DPP6: variants seen among roughly 807,000 people sequenced by gnomAD.
DPP6 encodes dipeptidyl peptidase like 6, also known as A-type potassium channel modulatory protein DPP6.
In DPP6, 69 loss-of-function variants were observed where a neutral mutation model predicts 122.6. The ratio of observed to expected loss-of-function variants is 0.56; its 90% CI spans 0.46 to 0.69. The LOEUF (loss-of-function observed/expected upper bound fraction) is 0.69, where lower values mean the gene tolerates loss of function less well. Among genes scored for constraint, DPP6 ranks in the 30% least tolerant of loss-of-function variants. The pLI is 0.00. For synonymous variants in DPP6, 418 were observed against 433.1 expected (o/e 0.97, Z 0.43); for missense variants, 928 against 1,116.9 (o/e 0.83, Z 2.41).
At chr7:154,679,079 G>T (rs901659495) in intron 7 of DPP6, among the ~76,000 whole-genome samples, 3 of 152,190 alleles carry the variant, frequency 2.0e-5, no homozygotes, top group Admixed American at 2.0e-4. Context: ...CCTTGATAAA[G>T]CAGAGAAACG....
chr7:154,126,575 A>G lies in DPP6; in HGVS notation c.243+73512A>G, dbSNP rs573434541. 7.8e-4 allele frequency among the ~76,000 whole-genome samples: 118 copies of G among 151,544 alleles called. No individual in the cohort carries two copies. The Middle Eastern group carries it at 0.017, about 22-fold the overall frequency. ...ACAGGATTTTGCTTCCAAGATGAACATGGGTGTAGCTTTCAGGAGTGTCCA... is the reference window on the plus strand; with the variant it reads ...ACAGGATTTTGCTTCCAAGATGAACGTGGGTGTAGCTTTCAGGAGTGTCCA... On this transcript the variant is annotated intron_variant, in intron 1 of 25. Coordinates refer to ENST00000377770, the MANE Select transcript of DPP6 (RefSeq NM_130797.4).
chr7:154,811,695 T>A (rs780251890), intron 16 of DPP6, among the ~76,000 whole-genome samples: 4 of 152,224 alleles, frequency 2.6e-5, no homozygotes, highest in Non-Finnish European at 5.9e-5. Context: ...TTTATTTTTC[T>A]CCACGTTTCT....
chr7:154,070,962 G>A (rs1461654549), intron 1 of DPP6, among the ~76,000 whole-genome samples: 5 of 152,138 alleles, frequency 3.3e-5, no homozygotes, highest in South Asian at 2.1e-4. Flanking sequence ...GAGCAGGAAC[G>A]CTTGAATATA....
At chr7:154,031,962 T>A (rs1585204269) in intron 1 of DPP6, among the ~76,000 whole-genome samples, 1 of 150,328 alleles carries the variant, frequency 6.7e-6, no homozygotes, top group African/African-American at 2.5e-5. Flanking sequence ...CCTGGCTTCA[T>A]GCCATTCTCC....
chr7:153,971,198 A>T (rs1320459455), intron 1 of DPP6, among the ~76,000 whole-genome samples: 2 of 152,142 alleles, frequency 1.3e-5, no homozygotes, highest in Admixed American at 6.6e-5. Context: ...AAGATTATTC[A>T]AAATGTGTTA....
Position 154,052,592 on chromosome 7 carries a change from C to T in DPP6, c.-229C>T, listed in dbSNP as rs577115151. On this transcript the variant is annotated 5_prime_UTR_variant, in exon 1 of 26. Coordinates refer to ENST00000377770, the MANE Select transcript of DPP6 (RefSeq NM_130797.4). This position sits in a 1 kb window ranked among gnomAD's most constrained non-coding sequence, Gnocchi z 4.8. ...CCAGAGCCCCGGCTTCGCGAGCCGCCGGGGAGGGGGCGGAGGAGGCTGAGC... is the reference window on the plus strand; with the variant it reads ...CCAGAGCCCCGGCTTCGCGAGCCGCTGGGGAGGGGGCGGAGGAGGCTGAGC... 13 of 1,207,494 alleles carry T rather than the reference C, an allele frequency of 1.1e-5. No individual in the cohort carries two copies. The highest frequency in any genetic ancestry group is 3.4e-4 in the Middle Eastern group (1 of 2,902). The allele number at this position is 1,207,494 out of a possible 1,614,324, so 74.8% of individuals were successfully genotyped here.
At chr7:154,506,620 C>T (rs147171203) in intron 3 of DPP6, among the ~76,000 whole-genome samples, 5 of 152,198 alleles carry the variant, frequency 3.3e-5, no homozygotes, top group African/African-American at 1.2e-4. Flanking sequence ...TTAAGTTCCT[C>T]CAAATAACCA....
chr7:153,816,429 CTATTTG>C, the DPP6 span, among the ~76,000 whole-genome samples: 42 of 152,148 alleles, frequency 2.8e-4, no homozygotes, highest in African/African-American at 9.9e-4. Context: ...TGTTGCTCTC[CTATTTG>C]TAACAGTGAA....
At chr7:154,729,450 T>G (rs543981828) in intron 8 of DPP6, among the ~76,000 whole-genome samples, 1 of 152,338 alleles carries the variant, frequency 6.6e-6, no homozygotes, top group African/African-American at 2.4e-5. Flanking sequence ...TTCTATGACT[T>G]GATTTTTAAT....
chr7:153,828,651 G>A, the DPP6 span, among the ~76,000 whole-genome samples: 1 of 152,174 alleles, frequency 6.6e-6, no homozygotes, highest in African/African-American at 2.4e-5. Context: ...AAACATGTTT[G>A]TATGTGCGTG....
At chr7:154,317,314 G>A (rs570606639) in intron 1 of DPP6, among the ~76,000 whole-genome samples, 12 of 152,186 alleles carry the variant, frequency 7.9e-5, no homozygotes, top group African/African-American at 2.2e-4. Context: ...GGCTAACATG[G>A]TGAATCCAGC....
intron 2 of DPP6, among the ~76,000 whole-genome samples, chr7:154,474,356 T>C (rs1822540878): frequency 6.6e-6 from 1 of 152,254 alleles, no homozygotes; most frequent in Non-Finnish European, 1.5e-5. Context: ...TGCTTTCTCC[T>C]AAGCCTTGTA....
chr7:154,475,250 C>G, intron 3 of DPP6: 2 of 503,628 alleles, frequency 4.0e-6, no homozygotes, highest in South Asian at 3.9e-5. Flanking sequence ...GCCTCCCGAG[C>G]ATCCACACAG....
chr7:153,780,939 A>G, the DPP6 span, among the ~76,000 whole-genome samples: 1 of 151,900 alleles, frequency 6.6e-6, no homozygotes, highest in East Asian at 1.9e-4. Context: ...GAGAAAATCA[A>G]TAAATATCAT....
At chr7:154,818,990 G>T (rs1274959601) in intron 16 of DPP6, among the ~76,000 whole-genome samples, 2 of 152,196 alleles carry the variant, frequency 1.3e-5, no homozygotes, top group African/African-American at 4.8e-5. Flanking sequence ...CCATGGAAAA[G>T]AAGCTTCTCA....
chr7:154,323,148 C>T (rs745685246), intron 1 of DPP6, among the ~76,000 whole-genome samples: 18 of 151,964 alleles, frequency 1.2e-4, no homozygotes, highest in Admixed American at 4.6e-4. Flanking sequence ...AAGTTTATAA[C>T]GTATTTAAAC....
At chr7:153,808,605 C>T in the DPP6 span, among the ~76,000 whole-genome samples, 1,802 of 152,012 alleles carry the variant, frequency 0.012, 47 homozygotes, top group African/African-American at 0.042. Flanking sequence ...TACTGTTCTA[C>T]TCTATTTCTA....
intron 2 of DPP6, among the ~76,000 whole-genome samples, chr7:154,451,503 C>T (rs868063561): frequency 7.2e-4 from 109 of 152,314 alleles, no homozygotes; most frequent in African/African-American, 2.3e-3. Flanking sequence ...AAGCAGTAGC[C>T]CTGCGTCTTC....
At chr7:153,889,876 T>TAGC (rs757005758) in intron 1 of DPP6, among the ~76,000 whole-genome samples, 4 of 152,256 alleles carry the variant, frequency 2.6e-5, no homozygotes, top group Non-Finnish European at 4.4e-5. Flanking sequence ...CTTGAATTGA[T>TAGC]AATTATGGCT....
Sources: allele counts gnomAD v4.1 joint callset (sites outside exome capture counted in the v4.1 genomes callset), GRCh38; gene constraint gnomAD v4.1.1; non-coding constraint Gnocchi (gnomAD v3.1); transcripts MANE v1.5; gene names NCBI Gene and HGNC (gene_info 2026-07-23, HGNC 2026-07-21).